The following CACNA2D3 variants were observed in gnomAD, a reference collection of about 807,000 sequenced individuals.
CACNA2D3 encodes voltage-dependent calcium channel subunit alpha-2/delta-3.
A neutral mutation model predicts 160.6 loss-of-function variants in CACNA2D3; 60 were observed. The ratio of observed to expected loss-of-function variants is 0.37; its 90% CI spans 0.30 to 0.46. The LOEUF is 0.46. Ranked by LOEUF, CACNA2D3 falls within the 20% of genes least tolerant of loss-of-function variation. The pLI, the probability that CACNA2D3 is intolerant of heterozygous loss-of-function variation, is 1.00. For synonymous variants in CACNA2D3, 558 were observed against 492.9 expected (o/e 1.13, Z -1.75); for missense variants, 1,205 against 1,365.0 (o/e 0.88, Z 1.85).
At chr3:54,619,607 G>A (rs144150437) in intron 9 of CACNA2D3, among the ~76,000 whole-genome samples, 1 of 152,316 alleles carries the variant, frequency 6.6e-6, no homozygotes, top group African/African-American at 2.4e-5. Context: ...TTCTATCAGT[G>A]TCTGTACTGT....
At chr3:54,242,069 T>G (rs539949841) in intron 2 of CACNA2D3, among the ~76,000 whole-genome samples, 1 of 152,244 alleles carries the variant, frequency 6.6e-6, no homozygotes, top group East Asian at 1.9e-4. Context: ...ACATACATAC[T>G]CATGATAAAG....
At chr3:54,195,662 C>T (rs1447030457) in intron 2 of CACNA2D3, among the ~76,000 whole-genome samples, 12 of 152,146 alleles carry the variant, frequency 7.9e-5, no homozygotes, top group Admixed American at 6.5e-5. Flanking sequence ...TAGTCCAGGT[C>T]TAGGGAGACG....
chr3:54,908,647 G>A (rs774879275), intron 27 of CACNA2D3, among the ~76,000 whole-genome samples: 3 of 152,214 alleles, frequency 2.0e-5, no homozygotes, highest in Non-Finnish European at 4.4e-5. Flanking sequence ...AGCCAGGAAG[G>A]TCAAGGCTGC....
At chr3:54,659,053 T>C (rs560478848) in intron 11 of CACNA2D3, among the ~76,000 whole-genome samples, 1 of 152,316 alleles carries the variant, frequency 6.6e-6, no homozygotes, top group African/African-American at 2.4e-5. Flanking sequence ...GGTACTACTT[T>C]TTCAATGAGC....
At chr3:54,969,673 T>C in intron 28 of CACNA2D3, 127 bp from the exon 29 acceptor site, 1 of 664,128 alleles carries the variant, frequency 1.5e-6, no homozygotes, top group Non-Finnish European at 2.7e-6. Flanking sequence ...TCAATGAAAT[T>C]GGGTATTTGA....
chr3:54,841,059 T>G (rs1698809642), intron 16 of CACNA2D3, among the ~76,000 whole-genome samples: 1 of 152,328 alleles, frequency 6.6e-6, no homozygotes, highest in Middle Eastern at 3.4e-3. Flanking sequence ...ACCACAATGC[T>G]ACCAAGAACA....
At chr3:54,633,345 ATC>A (rs2106827358) in intron 10 of CACNA2D3, among the ~76,000 whole-genome samples, 1 of 152,284 alleles carries the variant, frequency 6.6e-6, no homozygotes, top group Admixed American at 6.5e-5. Flanking sequence ...AAGTTAGCTA[ATC>A]TCTCTGTGCC....
rs767560228 is a variant in CACNA2D3, at chr3:54,899,767, T to C, written c.2369-21T>C. 5.2e-6 allele frequency: 8 copies of C among 1,540,500 alleles called. No individual in the cohort carries two copies. The South Asian group carries it at 6.9e-5, about 13-fold the overall frequency. On this transcript the variant is annotated intron_variant, in intron 26 of 37. Coordinates refer to ENST00000474759, the MANE Select transcript of CACNA2D3 (RefSeq NM_018398.3). ...ACTGTAATTATCTTCATTTTTGTTGTGGTGTTTTTTCTTTTCACAGGACCA... is the reference window on the plus strand; with the variant it reads ...ACTGTAATTATCTTCATTTTTGTTGCGGTGTTTTTTCTTTTCACAGGACCA...
chr3:55,008,697 T>G (rs1703147749), intron 33 of CACNA2D3, among the ~76,000 whole-genome samples: 1 of 152,118 alleles, frequency 6.6e-6, no homozygotes, highest in African/African-American at 2.4e-5. Flanking sequence ...GGATTTTGAT[T>G]GAGAGAGAGC....
chr3:54,152,667 T>G (rs1700173631), intron 2 of CACNA2D3, among the ~76,000 whole-genome samples: 1 of 152,254 alleles, frequency 6.6e-6, no homozygotes, highest in Admixed American at 6.5e-5. Flanking sequence ...TTGTCCTGTC[T>G]TCCCTTCTTA....
Position 54,379,007 on chromosome 3 carries a change from T to A in CACNA2D3, c.322-7708T>A, listed in dbSNP as rs150048679. Reference sequence around the variant, plus strand: ...GATAATTTGTTATTGATTGTGATCATGTCTTCTGATGTAAACTCTAGGCTT... The same window carrying A: ...GATAATTTGTTATTGATTGTGATCAAGTCTTCTGATGTAAACTCTAGGCTT... On this transcript the variant is annotated intron_variant, in intron 3 of 37. Coordinates refer to ENST00000474759, the MANE Select transcript of CACNA2D3 (RefSeq NM_018398.3). 5.3e-5 allele frequency among the ~76,000 whole-genome samples: 8 copies of A among 152,352 alleles called. 1 individual carries two copies. Among genetic ancestry groups the A allele is most frequent in the Admixed American group, 3.3e-4 (5 of 15,304 alleles).
At chr3:54,233,669 G>C (rs981431690) in intron 2 of CACNA2D3, among the ~76,000 whole-genome samples, 14 of 152,178 alleles carry the variant, frequency 9.2e-5, no homozygotes, top group Admixed American at 3.9e-4. Flanking sequence ...AGGGAAATGA[G>C]CAATCTGAAC....
chr3:54,672,414 G>GTGCCATA (rs1700177548), intron 11 of CACNA2D3, among the ~76,000 whole-genome samples: 3 of 152,172 alleles, frequency 2.0e-5, no homozygotes, highest in African/African-American at 4.8e-5. Flanking sequence ...TACCCTGCAA[G>GTGCCATA]TTCTAACCTC....
At chr3:54,620,489 T>C (rs949951140) in intron 9 of CACNA2D3, among the ~76,000 whole-genome samples, 1 of 152,154 alleles carries the variant, frequency 6.6e-6, no homozygotes, top group South Asian at 2.1e-4. Flanking sequence ...CTCACAGGCA[T>C]GCTCCATTGC....
At chr3:54,267,362 A>G (rs942685284) in intron 2 of CACNA2D3, among the ~76,000 whole-genome samples, 3 of 151,930 alleles carry the variant, frequency 2.0e-5, no homozygotes, top group African/African-American at 7.3e-5. Context: ...ACAAACCAGA[A>G]CCTCCTGTTC....
chr3:54,700,810 A>G (rs895265955), intron 11 of CACNA2D3, among the ~76,000 whole-genome samples: 1 of 152,206 alleles, frequency 6.6e-6, no homozygotes, highest in African/African-American at 2.4e-5. Flanking sequence ...CCTGTGAGAC[A>G]GGAGCTATCA....
intron 11 of CACNA2D3, among the ~76,000 whole-genome samples, chr3:54,660,422 AG>A (rs1699947715): frequency 6.6e-6 from 1 of 152,100 alleles, no homozygotes; most frequent in East Asian, 1.9e-4. Context: ...GGCCTCCCAA[AG>A]TGCTGGGATT....
chr3:54,190,016 C>G (rs1286629391), intron 2 of CACNA2D3, among the ~76,000 whole-genome samples: 1 of 152,128 alleles, frequency 6.6e-6, no homozygotes, highest in South Asian at 2.1e-4. Flanking sequence ...ATTTATTTGT[C>G]CCAGTTCTGA....
intron 35 of CACNA2D3, among the ~76,000 whole-genome samples, chr3:55,056,762 A>C (rs757460015): frequency 1.1e-4 from 16 of 152,216 alleles, no homozygotes; most frequent in Non-Finnish European, 1.6e-4. Flanking sequence ...AACTGAACTC[A>C]TAGAAACAGA....
Sources: gnomAD v4.1 joint callset for allele counts (sites outside exome capture counted in the v4.1 genomes callset) on GRCh38, gnomAD v4.1.1 for gene constraint, MANE v1.5 for transcripts, NCBI Gene and HGNC (gene_info 2026-07-23, HGNC 2026-07-21) for gene names.